The following THRB variants were observed in gnomAD, a reference collection of about 807,000 sequenced individuals.
The protein encoded by THRB is thyroid hormone receptor beta.
In THRB, 12 loss-of-function variants were observed where a neutral mutation model predicts 47.8. The ratio of observed to expected loss-of-function variants is 0.25; its 90% CI spans 0.16 to 0.41. The LOEUF (loss-of-function observed/expected upper bound fraction) is 0.41. Among genes scored for constraint, THRB ranks in the 10% least tolerant of loss-of-function variants. The pLI is 1.00. For synonymous variants in THRB, 218 were observed against 212.2 expected, an observed-to-expected ratio of 1.03 and a Z score of -0.24; for missense variants, 348 against 589.2, an observed-to-expected ratio of 0.59 and a Z score of 4.24.
Position 24,461,508 on chromosome 3 carries a change from G to C in THRB, c.-261+33144C>G, listed in dbSNP as rs533388110. Among the ~76,000 whole-genome samples, 3 of 152,294 alleles carry C rather than the reference G, an allele frequency of 2.0e-5. 1 individual carries two copies. In the South Asian group the frequency reaches 6.2e-4, roughly 32 times the overall value. Reference sequence around the variant, plus strand: ...AGGACTTATCTGCCAAGTTAAGGCAGATTATTCTAACTCTTCTTGCAGCTG... The same window carrying C: ...AGGACTTATCTGCCAAGTTAAGGCACATTATTCTAACTCTTCTTGCAGCTG... On this transcript the variant is annotated intron_variant, in intron 1 of 10. Coordinates refer to ENST00000646209, the MANE Select transcript of THRB (RefSeq NM_001354712.2).
intron 3 of THRB, among the ~76,000 whole-genome samples, chr3:24,289,024 G>A (rs2055638482): frequency 6.6e-6 from 1 of 152,178 alleles, no homozygotes; most frequent in South Asian, 2.1e-4. Flanking sequence ...ATTTCTGACT[G>A]TTGTCCAGAG....
At chr3:24,278,837 C>T (rs1455443839) in intron 3 of THRB, among the ~76,000 whole-genome samples, 1 of 152,072 alleles carries the variant, frequency 6.6e-6, no homozygotes, top group African/African-American at 2.4e-5. Context: ...ATTTATATTA[C>T]ATTTATTTAT....
At chr3:24,161,211 C>G (rs964361411) in intron 5 of THRB, among the ~76,000 whole-genome samples, 1 of 152,202 alleles carries the variant, frequency 6.6e-6, no homozygotes, top group Non-Finnish European at 1.5e-5. Flanking sequence ...GGTGTTTTCT[C>G]TGAACAGCAT....
intron 1 of THRB, among the ~76,000 whole-genome samples, chr3:24,489,230 G>C (rs1278652229): frequency 6.7e-6 from 1 of 150,042 alleles, no homozygotes. Context: ...AACAGAGCAA[G>C]ACTCTGTCGC....
chr3:24,245,957 T>C (rs2050075022), intron 3 of THRB, among the ~76,000 whole-genome samples: 1 of 152,020 alleles, frequency 6.6e-6, no homozygotes, highest in Non-Finnish European at 1.5e-5. Flanking sequence ...AGAGGGTCTT[T>C]CATAATGTGG....
chr3:24,269,869 G>C (rs1320845109), intron 3 of THRB, among the ~76,000 whole-genome samples: 2 of 152,054 alleles, frequency 1.3e-5, no homozygotes, highest in Non-Finnish European at 2.9e-5. Flanking sequence ...TTTAAATTTT[G>C]ACATGTACCT....
chr3:24,438,184 C>A (rs2125365577), intron 1 of THRB, among the ~76,000 whole-genome samples: 1 of 151,998 alleles, frequency 6.6e-6, no homozygotes, highest in African/African-American at 2.4e-5. Flanking sequence ...CGGCTTCATT[C>A]CAGAGTCCAG....
chr3:24,175,888 A>G (rs74334288), intron 5 of THRB, among the ~76,000 whole-genome samples: 1 of 152,162 alleles, frequency 6.6e-6, no homozygotes, highest in South Asian at 2.1e-4. Flanking sequence ...TACTGTACAT[A>G]ATTACAAAGG....
At chr3:24,253,957 T>C (rs2150390569) in intron 3 of THRB, among the ~76,000 whole-genome samples, 1 of 151,966 alleles carries the variant, frequency 6.6e-6, no homozygotes. Flanking sequence ...GAACCATTTT[T>C]TTTTTTTCTT....
At chr3:24,205,849 T>C (rs1336502652) in intron 4 of THRB, among the ~76,000 whole-genome samples, 1 of 152,102 alleles carries the variant, frequency 6.6e-6, no homozygotes, top group Non-Finnish European at 1.5e-5. Context: ...GAGGTTGCAA[T>C]CCTAGTCTCC....
intron 4 of THRB, among the ~76,000 whole-genome samples, chr3:24,197,663 G>A (rs937079886): frequency 3.0e-4 from 14 of 46,898 alleles, no homozygotes; most frequent in African/African-American, 2.3e-3. Flanking sequence ...AAAATACCCC[G>A]AAACTGAACA....
intron 1 of THRB, among the ~76,000 whole-genome samples, chr3:24,483,362 A>G (rs1696764239): frequency 6.6e-6 from 1 of 152,154 alleles, no homozygotes; most frequent in Non-Finnish European, 1.5e-5. Flanking sequence ...GATATTATGT[A>G]AAGTCATTTA....
intron 5 of THRB, among the ~76,000 whole-genome samples, chr3:24,173,391 G>A (rs76325779): frequency 0.029 from 4,428 of 152,240 alleles, 95 homozygotes; most frequent in South Asian, 0.076. Context: ...TAGGAAGAAC[G>A]GCGTGCTCCA....
chr3:24,221,011 A>G (rs994779825), intron 4 of THRB, among the ~76,000 whole-genome samples: 15 of 152,188 alleles, frequency 9.9e-5, no homozygotes, highest in African/African-American at 3.4e-4. Flanking sequence ...AAGACAAGAA[A>G]GCATCTGCAC....
intron 1 of THRB, among the ~76,000 whole-genome samples, chr3:24,391,833 C>T (rs1053112529): frequency 6.6e-6 from 1 of 152,232 alleles, no homozygotes; most frequent in East Asian, 1.9e-4. Context: ...AGAAACTGTC[C>T]TCAGAATTCT....
intron 4 of THRB, among the ~76,000 whole-genome samples, chr3:24,218,510 ACTT>A (rs1451392323): frequency 6.6e-6 from 1 of 151,972 alleles, no homozygotes; most frequent in Non-Finnish European, 1.5e-5. Flanking sequence ...TGCAAAACAA[ACTT>A]CTTAAAAAAG....
At position 24,353,029 on chromosome 3, in the gene THRB, C is replaced by A. The variant is rs1471572499; in HGVS notation, c.-260-15658G>T. Among the ~76,000 whole-genome samples the A allele has an allele frequency of 2.6e-5, 4 of 151,934 alleles. No individual in the cohort carries two copies. The East Asian group carries it at 7.7e-4, about 29-fold the overall frequency. ...ATTTTGTCGATTTTCTCTTTAATGA[C>A]AACTTCAGGGGTTAAATTGCAATTC... On this transcript the variant is annotated intron_variant, in intron 1 of 10. Coordinates refer to ENST00000646209, the MANE Select transcript of THRB (RefSeq NM_001354712.2).
rs535313527 is a variant in THRB at position 24,122,542 on chromosome 3, T to C, written c.*342A>G. 4.8e-5 allele frequency: 18 copies of C among 375,830 alleles called. No homozygotes were observed. Among genetic ancestry groups the C allele is most frequent in the South Asian group, 4.0e-4 (17 of 41,980 alleles). The allele number at this position is 375,830 out of a possible 1,614,324, so 23.3% of individuals were successfully genotyped here. A position where few individuals can be genotyped will look rare whatever the true frequency, so the allele number is the denominator to read the frequency against. ...TATTATCTTGGTTTTAAGGCTTCTT[T>C]AGTGTCCTGTGGCGCCATTTTGCTG... is the stretch of plus-strand genomic sequence containing the variant. On this transcript the variant is annotated 3_prime_UTR_variant, in exon 11 of 11. Coordinates refer to ENST00000646209, the MANE Select transcript of THRB (RefSeq NM_001354712.2).
At position 24,233,603 on chromosome 3, in the gene THRB, G is replaced by GAAAGAAAGAAAA. The variant is rs1559684746; in HGVS notation, c.-42-4603_-42-4602insTTTTCTTTCTTT. Among the ~76,000 whole-genome samples the GAAAGAAAGAAAA allele has an allele frequency of 4.7e-4, 71 of 150,800 alleles. 1 individual carries two copies. Among genetic ancestry groups the GAAAGAAAGAAAA allele is most frequent in the Admixed American group, 1.6e-3 (24 of 15,188 alleles). On this transcript the variant is annotated intron_variant, in intron 3 of 10. Transcript: ENST00000646209. ...AGAAAGAAAGAAAGAAAGAAAGAAA[G>GAAAGAAAGAAAA]AAAGAAAGAAAGAGAAAGAGCCTGT...
Sources: gnomAD v4.1 joint callset for allele counts (sites outside exome capture counted in the v4.1 genomes callset) on GRCh38, gnomAD v4.1.1 for gene constraint, MANE v1.5 for transcripts, NCBI Gene and HGNC (gene_info 2026-07-23, HGNC 2026-07-21) for gene names.